Variants in CALB1 observed in about 807,000 individuals in gnomAD.
The protein encoded by CALB1 is calbindin.
A neutral mutation model predicts 46.7 loss-of-function variants in CALB1; 16 were observed. The observed-to-expected ratio is 0.34, with a 90% CI of 0.23 to 0.52. The LOEUF (loss-of-function observed/expected upper bound fraction) is 0.52, where lower values mean the gene tolerates loss of function less well. CALB1 is among the 20% of genes least tolerant of loss of function. The probability of loss-of-function intolerance (pLI) is 0.95; values close to 1 mark genes in which losing one functional copy is unlikely to be tolerated. For missense variants in CALB1, 224 were observed against 300.3 expected (o/e 0.75, Z 1.88); for synonymous variants, 90 against 112.8 (o/e 0.80, Z 1.28).
chr8:90,080,980 G>T (rs1259378909), intron 2 of CALB1, among the ~76,000 whole-genome samples: 1 of 152,028 alleles, frequency 6.6e-6, no homozygotes, highest in Non-Finnish European at 1.5e-5. Flanking sequence ...CCATTAACGT[G>T]TAACTCATCC....
At position 90,060,662 on chromosome 8, in the gene CALB1, A is replaced by T. The variant is rs750228733; in HGVS notation, c.639T>A (p.Ala213=). 1.9e-6 allele frequency: 3 copies of T among 1,613,884 alleles called. No homozygotes were observed. Among genetic ancestry groups the T allele is most frequent in the Non-Finnish European group, 1.7e-6 (2 of 1,179,780 alleles). The change falls in exon 10 of 11, where the codon GCT becomes GCA. Residue 213 remains alanine, a synonymous_variant. Coordinates refer to ENST00000265431, the MANE Select transcript of CALB1 (RefSeq NM_004929.4). ...NGYIDENELD[A]LLKDLCEKNK... ...TCTTCTCGCACAGATCCTTCAGTAA[A>T]GCATCCAGTTCATTTTCATCTATGT...
intron 2 of CALB1, 111 bp downstream of exon 2, chr8:90,081,915 G>T: frequency 1.2e-6 from 1 of 844,544 alleles, no homozygotes; most frequent in South Asian, 1.6e-5. Context: ...GTCAATAAAC[G>T]TTTACATTAC....
intron 3 of CALB1, among the ~76,000 whole-genome samples, chr8:90,070,795 A>G (rs1057177625): frequency 1.8e-4 from 28 of 152,076 alleles, no homozygotes; most frequent in African/African-American, 6.5e-4. Context: ...TTTTAAAAAA[A>G]TGTAATTAGC....
At chr8:90,069,310 T>A in intron 3 of CALB1, 73 bp from the exon 4 acceptor site, 1 of 1,113,258 alleles carries the variant, frequency 9.0e-7, no homozygotes, top group South Asian at 1.3e-5. Flanking sequence ...TACCTGCTGC[T>A]TAGTTTTTCT....
At chr8:90,069,360 A>G (rs1378293590) in intron 3 of CALB1, 123 bp from the exon 4 acceptor site, 1 of 731,966 alleles carries the variant, frequency 1.4e-6, no homozygotes, top group African/African-American at 1.8e-5. Flanking sequence ...TAGGAGAGGA[A>G]AAACATTAGA....
At chr8:90,063,502 A>G (rs1317324400) in intron 6 of CALB1, 41 bp from the exon 7 acceptor site, 1 of 1,514,122 alleles carries the variant, frequency 6.6e-7, no homozygotes, top group East Asian at 2.3e-5. Context: ...TTTGAGGAAT[A>G]ATTTATTGCA....
chr8:90,068,744 A>ATCTG (rs532701226), intron 5 of CALB1, among the ~76,000 whole-genome samples: 1 of 152,112 alleles, frequency 6.6e-6, no homozygotes, highest in South Asian at 2.1e-4. Context: ...CTATAATTCT[A>ATCTG]TCTGTCTGTC....
chr8:90,069,543 G>A (rs757135973), intron 3 of CALB1, among the ~76,000 whole-genome samples: 7 of 152,106 alleles, frequency 4.6e-5, no homozygotes, highest in Non-Finnish European at 1.0e-4. Flanking sequence ...ATTCATCCTC[G>A]TGGCTTGAAC....
rs118083871 is a variant in CALB1 at position 90,075,677 on chromosome 8, C to T, written c.231+2696G>A. On this transcript the variant is annotated intron_variant, in intron 3 of 10. Transcript: ENST00000265431. ...CTACTCTCCCTTTCCACATTTTCTA[C>T]ATGTAATCTGTAACTTTTAATTTCT... is the stretch of plus-strand genomic sequence containing the variant. Among the ~76,000 whole-genome samples the T allele has an allele frequency of 2.6e-4, 39 of 152,230 alleles. No homozygotes were observed. In the East Asian group the frequency reaches 7.1e-3, roughly 28 times the overall value.
At position 90,082,046 on chromosome 8, in the gene CALB1, C is replaced by T; in HGVS notation, c.136G>A (p.Ala46Thr). ...LQNLIQELQQARKKAGLELSP... is the reference protein window; with the variant it reads ...LQNLIQELQQTRKKAGLELSP... ...CCTACCAATCCAGCCTTCTTTCGCG[C>T]CTGCTGGAGCTCCTGGATCAAGTTC... Residue 46 changes from alanine to threonine, a missense_variant, in exon 2 of 11, where the codon GCG becomes ACG. Physicochemically the swap from Ala to Thr is moderately conservative, Grantham distance 58. Coordinates refer to ENST00000265431, the MANE Select transcript of CALB1 (RefSeq NM_004929.4). 1 of 1,613,980 alleles carries T rather than the reference C, an allele frequency of 6.2e-7. No individual in the cohort carries two copies. The highest frequency in any genetic ancestry group is 8.5e-7 in the Non-Finnish European group (1 of 1,179,924).
chr8:90,081,390 G>C (rs1010733526), intron 2 of CALB1: 1 of 561,118 alleles, frequency 1.8e-6, no homozygotes, highest in Non-Finnish European at 2.3e-6. Flanking sequence ...CTTTCTCACT[G>C]TTAGGTTGCA....
chr8:90,064,340 T>C (rs1814352221), intron 6 of CALB1: 1 of 151,764 alleles, frequency 6.6e-6, no homozygotes, highest in African/African-American at 2.4e-5. Flanking sequence ...TTATAATCCA[T>C]TGACCATAAA....
intron 2 of CALB1, among the ~76,000 whole-genome samples, chr8:90,080,743 C>T (rs1165667149): frequency 1.3e-5 from 2 of 151,920 alleles, no homozygotes; most frequent in African/African-American, 4.8e-5. Flanking sequence ...ATTTTTGTAA[C>T]TGATAGTTCT....
In CALB1 at chr8:90,082,785, C is replaced by CT; in HGVS notation, c.-89_-88insA. 7.7e-7 allele frequency: 1 copy of CT among 1,299,524 alleles called. No individual in the cohort carries two copies. The highest frequency in any genetic ancestry group is 1.2e-5 in the South Asian group (1 of 84,586). 80.5% of individuals were successfully genotyped at this position (1,299,524 alleles called of 1,614,324 possible). On this transcript the variant is annotated 5_prime_UTR_variant, in exon 1 of 11. Transcript: ENST00000265431. ...AGTGAGCAAAAGCTCAGCGTGTGCG[C>CT]GAGTCAGGGCTGCGGAGGGAGACCT...
At chr8:90,070,904 C>T (rs1243619354) in intron 3 of CALB1, among the ~76,000 whole-genome samples, 2 of 150,792 alleles carry the variant, frequency 1.3e-5, no homozygotes, top group African/African-American at 2.5e-5. Flanking sequence ...CCTTATTAAA[C>T]TCAGGACATA....
intron 6 of CALB1, among the ~76,000 whole-genome samples, chr8:90,065,229 C>A (rs1178540111): frequency 6.6e-6 from 1 of 151,248 alleles, no homozygotes; most frequent in Non-Finnish European, 1.5e-5. Flanking sequence ...TATTTATCTG[C>A]TCTTTTTTTT....
intron 1 of CALB1, 153 bp from the exon 2 acceptor site, chr8:90,082,255 T>A: frequency 1.5e-6 from 1 of 660,258 alleles, no homozygotes; most frequent in South Asian, 1.9e-5. Flanking sequence ...GGTGAAGCGC[T>A]CCCCTCCTGG....
intron 5 of CALB1, among the ~76,000 whole-genome samples, chr8:90,068,575 G>A (rs762584211): frequency 1.1e-4 from 17 of 152,062 alleles, no homozygotes; most frequent in East Asian, 1.9e-4. Flanking sequence ...TACAACTTAC[G>A]CAAAGATTAA....
At chr8:90,063,489 C>T (rs1586177897) in intron 6 of CALB1, 28 bp from the exon 7 acceptor site, 1 of 1,570,010 alleles carries the variant, frequency 6.4e-7, no homozygotes, top group South Asian at 1.1e-5. Context: ...ATTATTCTAG[C>T]TATTTGAGGA....
Sources: allele counts gnomAD v4.1 joint callset (sites outside exome capture counted in the v4.1 genomes callset), GRCh38; gene constraint gnomAD v4.1.1; transcripts MANE v1.5; gene names NCBI Gene and HGNC (gene_info 2026-07-23, HGNC 2026-07-21).